The following HMCN1 variants were observed in gnomAD, a reference collection of about 807,000 sequenced individuals.
HMCN1 encodes the protein hemicentin-1.
HMCN1 carries 321 observed loss-of-function variants against 625.9 expected under a neutral mutation model. The ratio of observed to expected loss-of-function variants is 0.51; its 90% CI spans 0.47 to 0.56. The LOEUF is 0.56. Among genes scored for constraint, HMCN1 ranks in the 20% least tolerant of loss-of-function variants. HMCN1 has a pLI of 0.00. For synonymous variants in HMCN1, 2,425 were observed against 2,417.6 expected, an observed-to-expected ratio of 1.00 and a Z score of -0.09; for missense variants, 6,588 against 6,887.3, an observed-to-expected ratio of 0.96 and a Z score of 1.54.
intron 11 of HMCN1, among the ~76,000 whole-genome samples, chr1:185,961,188 T>G (rs1649994522): frequency 6.6e-6 from 1 of 152,210 alleles, no homozygotes; most frequent in African/African-American, 2.4e-5. Flanking sequence ...CTTCCTTCAG[T>G]TGTGTAGCTG....
chr1:185,866,865 T>A (rs1294945938), intron 4 of HMCN1, among the ~76,000 whole-genome samples: 5 of 152,012 alleles, frequency 3.3e-5, no homozygotes, highest in Non-Finnish European at 4.4e-5. Flanking sequence ...TTTTGTTTAG[T>A]CCTTTTTTTT....
intron 60 of HMCN1, 22 bp downstream of exon 60, chr1:186,087,667 G>T: frequency 1.2e-6 from 2 of 1,605,334 alleles, no homozygotes; most frequent in South Asian, 2.2e-5. Flanking sequence ...ATTCTTGTTT[G>T]AGTGTCATGA....
chr1:185,940,243 A>G (rs1209199207), intron 11 of HMCN1, among the ~76,000 whole-genome samples: 2 of 152,236 alleles, frequency 1.3e-5, no homozygotes, highest in Non-Finnish European at 2.9e-5. Context: ...AGTAAGAGAA[A>G]CTAACACTTT....
chr1:185,906,854 GC>G (rs917319784), intron 4 of HMCN1, among the ~76,000 whole-genome samples: 2 of 149,410 alleles, frequency 1.3e-5, no homozygotes, highest in Admixed American at 1.3e-4. Flanking sequence ...TCTCTCCTTT[GC>G]CCTCTTCAGT....
At chr1:185,970,241 C>A in intron 14 of HMCN1, 94 bp from the exon 15 acceptor site, 1 of 1,218,380 alleles carries the variant, frequency 8.2e-7, no homozygotes, top group Non-Finnish European at 1.2e-6. Flanking sequence ...ACTTTGCAAT[C>A]AACTTTATTT....
chr1:185,869,768 C>T (rs57036166), intron 4 of HMCN1, among the ~76,000 whole-genome samples: 9,198 of 152,046 alleles, frequency 0.06, 965 homozygotes, highest in African/African-American at 0.21. Context: ...TATTCTATTA[C>T]GTAAACATTA....
intron 97 of HMCN1, among the ~76,000 whole-genome samples, chr1:186,159,969 T>G (rs1415925880): frequency 6.6e-6 from 1 of 151,672 alleles, no homozygotes; most frequent in Non-Finnish European, 1.5e-5. Context: ...TCTTTTTCTA[T>G]TGATTGGAAT....
In HMCN1 at chr1:186,115,432, C is replaced by T. The variant is rs1033689491; in HGVS notation, c.11561+18C>T. On this transcript the variant is annotated intron_variant, in intron 75 of 106. Coordinates refer to ENST00000271588, the MANE Select transcript of HMCN1 (RefSeq NM_031935.3). ...TCATACAGGTAAGGATAATTTAAAACTCCTACCAACTATTTACAAACAGTT... is the reference window on the plus strand; with the variant it reads ...TCATACAGGTAAGGATAATTTAAAATTCCTACCAACTATTTACAAACAGTT... 3.1e-6 allele frequency: 5 copies of T among 1,602,328 alleles called. No homozygotes were observed. The highest frequency in any genetic ancestry group is 4.3e-6 in the Non-Finnish European group (5 of 1,170,894).
At chr1:185,921,338 G>A (rs1241510570) in intron 6 of HMCN1, among the ~76,000 whole-genome samples, 2 of 152,060 alleles carry the variant, frequency 1.3e-5, no homozygotes, top group Non-Finnish European at 2.9e-5. Flanking sequence ...TAGCAACAGG[G>A]ACAGATCTTC....
intron 1 of HMCN1, among the ~76,000 whole-genome samples, chr1:185,738,818 G>C (rs1268597719): frequency 1.3e-5 from 2 of 152,136 alleles, no homozygotes; most frequent in African/African-American, 4.8e-5. Context: ...AAAATAGAAA[G>C]TAAACTCATT....
At chr1:185,845,228 C>CT (rs545210034) in intron 1 of HMCN1, among the ~76,000 whole-genome samples, 43 of 151,514 alleles carry the variant, frequency 2.8e-4, no homozygotes, top group African/African-American at 7.0e-4. Context: ...TCTTTCTTTT[C>CT]TTTTTTTTTG....
At position 186,082,939 on chromosome 1, in the gene HMCN1, A is replaced by G; in HGVS notation, c.8862A>G (p.Lys2954=). The stretch of plus-strand genomic sequence containing the variant: ...AGAACACAGCTGGGAGTGCCAAAAA[A>G]TATTTTAACCTCAATGTTCATGGTA... ...VAENTAGSAK[K]YFNLNVHVPP... Residue 2954 remains lysine (K), a synonymous_variant, in exon 57 of 107, where the codon AAA becomes AAG. Coordinates refer to ENST00000271588, the MANE Select transcript of HMCN1 (RefSeq NM_031935.3). The G allele has an allele frequency of 2.5e-6, 4 of 1,593,502 alleles. No homozygotes were observed. The highest frequency in any genetic ancestry group is 3.4e-6 in the Non-Finnish European group (4 of 1,167,676).
intron 4 of HMCN1, among the ~76,000 whole-genome samples, chr1:185,875,152 C>A (rs1416456779): frequency 1.3e-5 from 2 of 151,754 alleles, no homozygotes; most frequent in African/African-American, 4.8e-5. Flanking sequence ...AAAGTCATAC[C>A]TAAAAATGTT....
At chr1:186,003,069 C>T (rs1454833225) in intron 28 of HMCN1, among the ~76,000 whole-genome samples, 1 of 151,990 alleles carries the variant, frequency 6.6e-6, no homozygotes, top group African/African-American at 2.4e-5. Flanking sequence ...GGTCTTAAAA[C>T]ACAAATATGA....
intron 4 of HMCN1, among the ~76,000 whole-genome samples, chr1:185,886,792 G>T (rs1481754685): frequency 6.6e-6 from 1 of 152,006 alleles, no homozygotes; most frequent in African/African-American, 2.4e-5. Context: ...AATCCAGTAA[G>T]ATAAGCTTCC....
rs1404633140 is a variant in HMCN1, at chr1:185,933,772, G to T, written c.1776G>T (p.Met592Ile). The T allele has an allele frequency of 6.2e-7, 1 of 1,613,826 alleles. No individual in the cohort carries two copies. Among genetic ancestry groups the T allele is most frequent in the Non-Finnish European group, 8.5e-7 (1 of 1,179,770 alleles). The change falls in exon 11 of 107, where the codon ATG (methionine) becomes ATT (isoleucine). Residue 592 changes from methionine (M) to isoleucine (I), a missense_variant. By Grantham distance (10) the Met-to-Ile change is conservative. Transcript: ENST00000271588. The part of the protein sequence containing the change: ...KFNDAGEYHC[M>I]VSSEGGSSAA... ...ACGATGCTGGAGAGTATCATTGTAT[G>T]GTTTCTAGTGAAGGTGGATCATCAG...
intron 11 of HMCN1, 24 bp from the exon 12 acceptor site, chr1:185,962,494 A>C (rs767310809): frequency 1.2e-6 from 2 of 1,606,668 alleles, no homozygotes; most frequent in Non-Finnish European, 1.7e-6. Flanking sequence ...GCATTTTTCT[A>C]CATACGTATA....
chr1:185,971,041 T>C (rs536496699), intron 15 of HMCN1, among the ~76,000 whole-genome samples: 1 of 152,288 alleles, frequency 6.6e-6, no homozygotes, highest in South Asian at 2.1e-4. Context: ...ATAAGGAAAC[T>C]GAGGCTTATA....
chr1:186,117,677 A>T, intron 77 of HMCN1, 54 bp downstream of exon 77: 1 of 1,519,326 alleles, frequency 6.6e-7, no homozygotes, highest in Non-Finnish European at 9.1e-7. Context: ...TTATTGATGC[A>T]TATTCTTACC....
Sources: gnomAD v4.1 joint callset for allele counts (sites outside exome capture counted in the v4.1 genomes callset) on GRCh38, gnomAD v4.1.1 for gene constraint, MANE v1.5 for transcripts, NCBI Gene and HGNC (gene_info 2026-07-23, HGNC 2026-07-21) for gene names.